Variants in KLHL13 observed in about 807,000 individuals in gnomAD.
The protein encoded by KLHL13 is kelch-like protein 13.
Under a neutral mutation model 37.1 loss-of-function variants are expected in KLHL13, and 10 were observed. That is an observed-to-expected ratio of 0.27 (90% CI 0.17 to 0.46). The LOEUF (loss-of-function observed/expected upper bound fraction) is 0.46, where lower values mean the gene tolerates loss of function less well. Ranked by LOEUF, KLHL13 falls within the 20% of genes least tolerant of loss-of-function variation. The pLI is 1.00. For missense variants in KLHL13, 360 were observed against 509.3 expected, an observed-to-expected ratio of 0.71 and a Z score of 2.82; for synonymous variants, 163 against 181.2, an observed-to-expected ratio of 0.90 and a Z score of 0.81.
chrX:117,988,228 G>A (rs2053750085), intron 1 of KLHL13, among the ~76,000 whole-genome samples: 2 of 112,040 alleles, frequency 1.8e-5, no homozygotes, highest in South Asian at 3.7e-4. Context: ...CAGAAAGGGA[G>A]GAGGGGTAAC....
chrX:118,078,280 T>C (rs1210771798), intron 1 of KLHL13, among the ~76,000 whole-genome samples: 1 of 111,497 alleles, frequency 9.0e-6, no homozygotes, highest in Non-Finnish European at 1.9e-5. Flanking sequence ...GTAATTTACA[T>C]ATAGAAAAAT....
chrX:118,033,754 G>T (rs1280740772), intron 1 of KLHL13, among the ~76,000 whole-genome samples: 3 of 109,494 alleles, frequency 2.7e-5, no homozygotes, highest in Non-Finnish European at 3.8e-5. Flanking sequence ...TAACCTTAAA[G>T]GTAAATGGGC....
At chrX:117,920,243 A>T in exon 3 of KLHL13, 1 of 1,209,541 alleles carries the variant, frequency 8.3e-7, no homozygotes, top group Non-Finnish European at 1.1e-6. Flanking sequence ...ACTACCTGTG[A>T]ACATAGCCTT....
intron 1 of KLHL13, among the ~76,000 whole-genome samples, chrX:118,019,449 T>A (rs2054172213): frequency 9.1e-6 from 1 of 110,497 alleles, no homozygotes; most frequent in South Asian, 3.8e-4. Context: ...GGTTGCCTGT[T>A]CACTCTGGTG....
chrX:117,955,429 A>G (rs1335125011), intron 1 of KLHL13, among the ~76,000 whole-genome samples: 3 of 111,898 alleles, frequency 2.7e-5, no homozygotes, highest in African/African-American at 9.7e-5. Flanking sequence ...AAGAGTCCCA[A>G]TGACTCTATG....
intron 1 of KLHL13, among the ~76,000 whole-genome samples, chrX:118,019,251 A>G (rs2054167620): frequency 8.9e-6 from 1 of 111,787 alleles, no homozygotes; most frequent in Admixed American, 9.6e-5. Flanking sequence ...ATTTACAAAT[A>G]CAGTATTTTC....
chrX:117,935,464 C>T (rs1348887160), intron 2 of KLHL13, among the ~76,000 whole-genome samples: 1 of 112,012 alleles, frequency 8.9e-6, no homozygotes, highest in Non-Finnish European at 1.9e-5. Flanking sequence ...CATTCTCACA[C>T]TGCTATAAAG....
chrX:117,951,153 T>C (rs1367272922), intron 1 of KLHL13, among the ~76,000 whole-genome samples: 13 of 111,914 alleles, frequency 1.2e-4, no homozygotes, highest in African/African-American at 3.9e-4. Context: ...TACTCAACTT[T>C]CATTATGAAA....
At chrX:118,059,709 C>T (rs1193089292) in intron 1 of KLHL13, among the ~76,000 whole-genome samples, 1 of 111,360 alleles carries the variant, frequency 9.0e-6, no homozygotes, top group African/African-American at 3.3e-5. Flanking sequence ...TCAGGTAAGG[C>T]GTGCTTCAGG....
At chrX:117,935,227 A>G (rs1187655067) in intron 2 of KLHL13, among the ~76,000 whole-genome samples, 1 of 112,469 alleles carries the variant, frequency 8.9e-6, no homozygotes, top group Non-Finnish European at 1.9e-5. Flanking sequence ...ATGCTTATCA[A>G]TGAATGGATA....
chrX:117,910,872 C>T (rs911794694), intron 4 of KLHL13, among the ~76,000 whole-genome samples: 3 of 110,854 alleles, frequency 2.7e-5, no homozygotes, highest in African/African-American at 6.6e-5. Flanking sequence ...TTCTCTCTGG[C>T]GTCAACATGA....
chrX:118,072,374 A>T (rs200457052), intron 1 of KLHL13, among the ~76,000 whole-genome samples: 602 of 82,086 alleles, frequency 7.3e-3, no homozygotes, highest in Non-Finnish European at 7.1e-3. Flanking sequence ...AACCATAAAA[A>T]CCCTAGAAGA....
chrX:117,946,108 T>C (rs1933304290), intron 1 of KLHL13: 1 of 111,535 alleles, frequency 9.0e-6, no homozygotes, highest in Non-Finnish European at 1.9e-5. Flanking sequence ...CCCCCATTAA[T>C]AAAAGTAAAA....
chrX:118,079,252 A>G (rs1466334688), intron 1 of KLHL13, among the ~76,000 whole-genome samples: 2 of 111,017 alleles, frequency 1.8e-5, no homozygotes, highest in Non-Finnish European at 3.8e-5. Context: ...ATATCAGGAC[A>G]TACAATAAGG....
At chrX:118,102,118 A>C (rs745747540) in intron 1 of KLHL13, among the ~76,000 whole-genome samples, 2 of 111,560 alleles carry the variant, frequency 1.8e-5, no homozygotes, top group East Asian at 5.6e-4. Flanking sequence ...GGCAGGAGTC[A>C]AGTCATGATG....
chrX:118,086,570 A>G (rs749745245), intron 1 of KLHL13, among the ~76,000 whole-genome samples: 1 of 112,062 alleles, frequency 8.9e-6, no homozygotes, highest in African/African-American at 3.2e-5. Flanking sequence ...GTAGGTATTT[A>G]TGTCCTGATA....
intron 1 of KLHL13, among the ~76,000 whole-genome samples, chrX:118,042,470 T>G (rs2054515108): frequency 8.9e-6 from 1 of 111,914 alleles, no homozygotes; most frequent in Non-Finnish European, 1.9e-5. Flanking sequence ...AAACAAGTAT[T>G]AAAACATTCA....
intron 1 of KLHL13, among the ~76,000 whole-genome samples, chrX:117,995,662 T>TCTC (rs2053846746): frequency 9.0e-6 from 1 of 111,106 alleles, no homozygotes; most frequent in Non-Finnish European, 1.9e-5. Context: ...CTCCCCATTC[T>TCTC]CTCCTCCCTG....
intron 2 of KLHL13, among the ~76,000 whole-genome samples, chrX:117,941,287 G>C (rs2063902610): frequency 9.0e-6 from 1 of 111,646 alleles, no homozygotes; most frequent in African/African-American, 3.3e-5. Flanking sequence ...AGCGATATTG[G>C]CCTGAAATTT....
Sources: gnomAD v4.1 joint callset for allele counts (sites outside exome capture counted in the v4.1 genomes callset) on GRCh38, gnomAD v4.1.1 for gene constraint, MANE v1.5 for transcripts, NCBI Gene and HGNC (gene_info 2026-07-23, HGNC 2026-07-21) for gene names.